RRM2: variants seen among roughly 807,000 people sequenced by gnomAD.
The protein encoded by RRM2 is ribonucleotide reductase regulatory subunit M2, also known as ribonucleoside-diphosphate reductase subunit M2.
A neutral mutation model predicts 45.9 loss-of-function variants in RRM2; 6 were observed. That is an observed-to-expected ratio of 0.13 (90% CI 0.07 to 0.26). RRM2 has a LOEUF of 0.26. Among genes scored for constraint, RRM2 ranks in the 10% least tolerant of loss-of-function variants. The pLI, the probability that RRM2 is intolerant of heterozygous loss-of-function variation, is 1.00. For synonymous variants in RRM2, 177 were observed against 173.0 expected (o/e 1.02, Z -0.18); for missense variants, 343 against 489.5 (o/e 0.70, Z 2.82).
At position 10,129,174 on chromosome 2, in the gene RRM2, G is replaced by T. The variant is rs142939100; in HGVS notation, c.1017+20G>T. On this transcript the variant is annotated intron_variant, in intron 9 of 9. Transcript: ENST00000304567. The surrounding 1 kb of genome is among the most constrained non-coding windows in gnomAD (Gnocchi z 4.8). ...AGCAAGGTAAAGTATTGTTTACATA[G>T]CCTTTTGCTTGTTTTGAAGCTGGTG... 1 of 1,613,856 alleles carries T rather than the reference G, an allele frequency of 6.2e-7. No individual in the cohort carries two copies. Among genetic ancestry groups the T allele is most frequent in the African/African-American group, 1.3e-5 (1 of 75,038 alleles).
At chr2:10,192,600 A>T (rs1664333028) in intron 3 of RRM2, 1 of 154,432 alleles carries the variant, frequency 6.5e-6, no homozygotes, top group South Asian at 2.0e-4. Flanking sequence ...GCGGCTGGGC[A>T]CCCCCTCGCT....
In RRM2 at chr2:10,123,262, G is replaced by A. The variant is rs6746634; in HGVS notation, c.175-125G>A. The A allele has an allele frequency of 4.5e-3, 6,041 of 1,334,514 alleles. 199 individuals carry two copies. In the African/African-American group the frequency reaches 0.078, roughly 17 times the overall value. 82.7% of individuals were successfully genotyped at this position (1,334,514 alleles called of 1,614,324 possible). The stretch of plus-strand genomic sequence containing the variant: ...TCTGCTGCGACCCACGGAGTGCGAC[G>A]GGACAGCCACGTTTTCACATCGGGC... On this transcript the variant is annotated intron_variant, in intron 2 of 9. Coordinates refer to ENST00000304567, the MANE Select transcript of RRM2 (RefSeq NM_001034.4).
intron 3 of RRM2, among the ~76,000 whole-genome samples, chr2:10,200,398 CTG>C (rs1384055195): frequency 0.032 from 4,820 of 151,120 alleles, 154 homozygotes; most frequent in East Asian, 0.063. Context: ...TGCACAGGGA[CTG>C]CGCGCACAAA....
At position 10,181,041 on chromosome 2, in the gene RRM2, A is replaced by T. The variant is rs574788896; in HGVS notation, n.483-29270A>T. On this transcript the variant is annotated intron_variant and non_coding_transcript_variant, in intron 3 of 3. Transcript: ENST00000381786. ...CTCAGCCTCCCAAAGTGCTGGGATTACAGGTGTGAGCCACCGCACCCAGCC... is the reference window on the plus strand; with the variant it reads ...CTCAGCCTCCCAAAGTGCTGGGATTTCAGGTGTGAGCCACCGCACCCAGCC... Among the ~76,000 whole-genome samples, 5 of 152,316 alleles carry T rather than the reference A, an allele frequency of 3.3e-5. No homozygotes were observed. The South Asian group carries it at 1.0e-3, about 32-fold the overall frequency.
At chr2:10,123,293 G>A (rs1472349846) in intron 2 of RRM2, 94 bp from the exon 3 acceptor site, 6 of 1,463,196 alleles carry the variant, frequency 4.1e-6, no homozygotes, top group Non-Finnish European at 5.5e-6. Context: ...CGGGCCCCGT[G>A]AAATTGCCGC....
rs7591018 is a variant in RRM2, at chr2:10,205,079, C to T, written n.483-5232C>T. Among the ~76,000 whole-genome samples the T allele has an allele frequency of 0.013, 1,996 of 152,358 alleles. 47 individuals carry two copies. Among genetic ancestry groups the T allele is most frequent in the African/African-American group, 0.046 (1,913 of 41,572 alleles). ...ACTTTTGTTTTCAGTGCCCAGCTCC[C>T]TAAGCCTTCTTTGTCCTTACCGTCT... On this transcript the variant is annotated intron_variant and non_coding_transcript_variant, in intron 3 of 3. Coordinates refer to the RRM2 transcript ENST00000381786. This position sits in a 1 kb window ranked among gnomAD's most constrained non-coding sequence, Gnocchi z 4.8.
chr2:10,159,792 C>G (rs1663518488), intron 3 of RRM2, among the ~76,000 whole-genome samples: 2 of 152,178 alleles, frequency 1.3e-5, no homozygotes, highest in Non-Finnish European at 2.9e-5. Context: ...GGGAGAAGAG[C>G]CCAGCGTTTC....
intron 3 of RRM2, among the ~76,000 whole-genome samples, chr2:10,145,282 G>A (rs1663165355): frequency 6.6e-6 from 1 of 152,144 alleles, no homozygotes; most frequent in Admixed American, 6.5e-5. Context: ...CCCGAAAGTT[G>A]TAACTGGGGA....
At chr2:10,199,126 C>G (rs1664479690) in intron 3 of RRM2, 1 of 152,040 alleles carries the variant, frequency 6.6e-6, no homozygotes, top group African/African-American at 2.4e-5. Flanking sequence ...CGTTATGGGA[C>G]ACTGAACATG....
downstream of RRM2, among the ~76,000 whole-genome samples, chr2:10,133,094 T>C (rs1662929342): frequency 6.6e-6 from 1 of 152,206 alleles, no homozygotes; most frequent in African/African-American, 2.4e-5. Context: ...TGGGATAGAC[T>C]CCTGACATAA....
chr2:10,187,118 G>A (rs1664186786), intron 3 of RRM2, among the ~76,000 whole-genome samples: 1 of 152,210 alleles, frequency 6.6e-6, no homozygotes, highest in Admixed American at 6.5e-5. Flanking sequence ...CTGCCGGAGT[G>A]CTGGTCACTG....
intron 3 of RRM2, among the ~76,000 whole-genome samples, chr2:10,183,071 T>C (rs1256102816): frequency 6.6e-6 from 1 of 152,060 alleles, no homozygotes; most frequent in Non-Finnish European, 1.5e-5. Flanking sequence ...CTTGGGAGGC[T>C]AAGGCGGGAG....
rs954300360 is a variant in RRM2 at position 10,185,098 on chromosome 2, G to A, written n.483-25213G>A. Among the ~76,000 whole-genome samples, 38 of 152,254 alleles carry A rather than the reference G, an allele frequency of 2.5e-4. No individual in the cohort carries two copies. Among genetic ancestry groups the A allele is most frequent in the Admixed American group, 2.2e-3 (33 of 15,290 alleles). ...AAATCCTGTAGGATGCGGTAGATTT[G>A]GAAGATTTCTGTGATGTTTTGTTTG... On this transcript the variant is annotated intron_variant and non_coding_transcript_variant, in intron 3 of 3. Transcript: ENST00000381786. This position sits in a 1 kb window ranked among gnomAD's most constrained non-coding sequence, Gnocchi z 4.3.
intron 2 of RRM2, 155 bp downstream of exon 2, chr2:10,123,212 AT>A: frequency 7.8e-7 from 1 of 1,282,410 alleles, no homozygotes; most frequent in Non-Finnish European, 1.0e-6. Context: ...CCCTCGGCCC[AT>A]TTCCCGGTTC....
At chr2:10,125,401 C>G (rs1662757395) in intron 5 of RRM2, among the ~76,000 whole-genome samples, 1 of 152,078 alleles carries the variant, frequency 6.6e-6, no homozygotes, top group Non-Finnish European at 1.5e-5. Context: ...CTGGAGTAGT[C>G]TAGATACAAA....
intron 3 of RRM2, among the ~76,000 whole-genome samples, chr2:10,182,503 C>G (rs1426478501): frequency 1.3e-5 from 2 of 152,184 alleles, no homozygotes; most frequent in African/African-American, 4.8e-5. Flanking sequence ...AATAAATATA[C>G]ACAGTTTTAA....
At chr2:10,183,206 G>A (rs764617105) in intron 3 of RRM2, among the ~76,000 whole-genome samples, 7 of 152,148 alleles carry the variant, frequency 4.6e-5, no homozygotes, top group East Asian at 1.9e-4. Flanking sequence ...GAGGAGAGGC[G>A]TGAGCATTGA....
chr2:10,175,829 C>A (rs1002689100), intron 3 of RRM2, among the ~76,000 whole-genome samples: 4 of 151,974 alleles, frequency 2.6e-5, no homozygotes, highest in African/African-American at 9.7e-5. Context: ...TGGTCTCAAA[C>A]ACCTGACCTC....
chr2:10,199,800 A>ACAAAAAAAAAC (rs771864776), intron 3 of RRM2, among the ~76,000 whole-genome samples: 27,504 of 97,982 alleles, frequency 0.28, 5,231 homozygotes, highest in Middle Eastern at 0.44. Context: ...AAAAAAAAAA[A>ACAAAAAAAAAC]AAAAAAAAAC....
Sources: allele counts gnomAD v4.1 joint callset (sites outside exome capture counted in the v4.1 genomes callset), GRCh38; gene constraint gnomAD v4.1.1; non-coding constraint Gnocchi (gnomAD v3.1); transcripts MANE v1.5; gene names NCBI Gene and HGNC (gene_info 2026-07-23, HGNC 2026-07-21).